KIAA0825: variants seen among roughly 807,000 people sequenced by gnomAD.
KIAA0825 encodes uncharacterized protein KIAA0825.
A neutral mutation model predicts 147.6 loss-of-function variants in KIAA0825; 119 were observed. That is an observed-to-expected ratio of 0.81 (90% confidence interval 0.69 to 0.94). The LOEUF (loss-of-function observed/expected upper bound fraction) is 0.94, where lower values mean the gene tolerates loss of function less well. Ranked by LOEUF, KIAA0825 falls within the 40% of genes least tolerant of loss-of-function variation. The pLI, the probability that KIAA0825 is intolerant of heterozygous loss-of-function variation, is 0.00. For synonymous variants in KIAA0825, 470 were observed against 518.1 expected (o/e 0.91, Z 1.26); for missense variants, 1,381 against 1,472.7 (o/e 0.94, Z 1.02).
intron 20 of KIAA0825, among the ~76,000 whole-genome samples, chr5:94,323,582 A>G (rs1434785758): frequency 1.3e-5 from 2 of 151,922 alleles, no homozygotes; most frequent in Non-Finnish European, 2.9e-5. Flanking sequence ...TTAATTTGAA[A>G]AGTGTATTCA....
intron 2 of KIAA0825, chr5:94,568,601 C>T (rs2152317267): frequency 6.6e-6 from 1 of 152,542 alleles, no homozygotes; most frequent in African/African-American, 2.4e-5. Flanking sequence ...ACTCACAGCC[C>T]TAGGCATCAC....
chr5:94,594,471 A>C (rs1424481453), intron 1 of KIAA0825: 2 of 743,940 alleles, frequency 2.7e-6, no homozygotes, highest in East Asian at 5.2e-5. Context: ...AGAAAGAAAA[A>C]AATCTCTTCT....
intron 2 of KIAA0825, among the ~76,000 whole-genome samples, chr5:94,553,069 T>C (rs1184188702): frequency 6.6e-6 from 1 of 152,232 alleles, no homozygotes; most frequent in Non-Finnish European, 1.5e-5. Context: ...GATCGACTAA[T>C]TACTCTGATT....
chr5:94,523,644 A>C (rs1221021294), intron 4 of KIAA0825, among the ~76,000 whole-genome samples: 1 of 151,582 alleles, frequency 6.6e-6, no homozygotes, highest in Non-Finnish European at 1.5e-5. Context: ...ACATCAATAC[A>C]TTTTGTGGTA....
chr5:94,318,729 A>G (rs139061621), intron 20 of KIAA0825, among the ~76,000 whole-genome samples: 47 of 152,032 alleles, frequency 3.1e-4, no homozygotes, highest in African/African-American at 1.1e-3. Flanking sequence ...GCTACATAGT[A>G]AAAGGTCAAT....
At chr5:94,367,940 G>A (rs971685132) in intron 20 of KIAA0825, among the ~76,000 whole-genome samples, 2 of 152,108 alleles carry the variant, frequency 1.3e-5, no homozygotes, top group Admixed American at 1.3e-4. Flanking sequence ...GAAATGATTA[G>A]GTAAATTGTG....
intron 20 of KIAA0825, among the ~76,000 whole-genome samples, chr5:94,292,433 A>G (rs1287217615): frequency 6.6e-6 from 1 of 152,184 alleles, no homozygotes; most frequent in Non-Finnish European, 1.5e-5. Context: ...ATGTCGAACC[A>G]GCCTTGCATC....
intron 20 of KIAA0825, among the ~76,000 whole-genome samples, chr5:94,354,561 A>G (rs1046656291): frequency 1.3e-5 from 2 of 152,104 alleles, no homozygotes; most frequent in African/African-American, 4.8e-5. Context: ...GGACAGAGAA[A>G]TAACTTGAAA....
At chr5:94,364,759 A>C in intron 20 of KIAA0825, among the ~76,000 whole-genome samples, 1 of 152,118 alleles carries the variant, frequency 6.6e-6, no homozygotes, top group East Asian at 1.9e-4. Flanking sequence ...TTATTTAGTC[A>C]GATAGTGAGG....
At chr5:94,328,221 AT>A in intron 20 of KIAA0825, among the ~76,000 whole-genome samples, 1 of 152,264 alleles carries the variant, frequency 6.6e-6, no homozygotes, top group Non-Finnish European at 1.5e-5. Context: ...AATTGAATCA[AT>A]TTATTATCAT....
intron 5 of KIAA0825, chr5:94,519,107 G>T: frequency 1.7e-6 from 1 of 584,362 alleles, no homozygotes; most frequent in Non-Finnish European, 2.2e-6. Context: ...TGCCATAACC[G>T]AATTTGGCAG....
chr5:94,501,238 A>G (rs1765048524), intron 5 of KIAA0825, among the ~76,000 whole-genome samples: 1 of 152,230 alleles, frequency 6.6e-6, no homozygotes, highest in Admixed American at 6.5e-5. Context: ...ACAGCAAGTC[A>G]CCTCGTCAGT....
At chr5:94,354,803 C>T (rs575343220) in intron 20 of KIAA0825, among the ~76,000 whole-genome samples, 65 of 152,212 alleles carry the variant, frequency 4.3e-4, no homozygotes, top group African/African-American at 1.4e-3. Context: ...AAAATCTCAA[C>T]GAAAAGAGTC....
intron 20 of KIAA0825, among the ~76,000 whole-genome samples, chr5:94,346,080 C>A (rs965702592): frequency 6.6e-6 from 1 of 152,192 alleles, no homozygotes; most frequent in African/African-American, 2.4e-5. Context: ...ACCGGGCTGT[C>A]TGCCTGTGGA....
intron 1 of KIAA0825, among the ~76,000 whole-genome samples, chr5:94,610,375 T>G (rs1788467968): frequency 7.1e-6 from 1 of 140,880 alleles, no homozygotes; most frequent in African/African-American, 2.7e-5. Flanking sequence ...GAGCTGAGAT[T>G]GCGCCACTGG....
chr5:94,495,503 G>A (rs1764251186), intron 5 of KIAA0825, among the ~76,000 whole-genome samples: 1 of 152,128 alleles, frequency 6.6e-6, no homozygotes. Flanking sequence ...TCATGCACAA[G>A]GCACCATGTG....
At chr5:94,234,415 A>G (rs578167846) in intron 20 of KIAA0825, among the ~76,000 whole-genome samples, 1 of 151,476 alleles carries the variant, frequency 6.6e-6, no homozygotes, top group African/African-American at 2.4e-5. Flanking sequence ...ATAAAAAAAA[A>G]ATATGTATTA....
intron 20 of KIAA0825, among the ~76,000 whole-genome samples, chr5:94,272,423 C>T (rs1325033035): frequency 2.0e-5 from 3 of 152,012 alleles, no homozygotes; most frequent in Non-Finnish European, 4.4e-5. Context: ...GACTGTGATG[C>T]ACTGTATGCC....
chr5:94,409,517 G>T (rs1431207838), intron 15 of KIAA0825, among the ~76,000 whole-genome samples: 1 of 152,138 alleles, frequency 6.6e-6, no homozygotes, highest in Non-Finnish European at 1.5e-5. Flanking sequence ...CAAAGAGACG[G>T]ATCTACATAG....
Sources: allele counts gnomAD v4.1 joint callset (sites outside exome capture counted in the v4.1 genomes callset), GRCh38; gene constraint gnomAD v4.1.1; transcripts MANE v1.5; gene names NCBI Gene and HGNC (gene_info 2026-07-23, HGNC 2026-07-21).